TRDN: variants seen among roughly 807,000 people sequenced by gnomAD.
TRDN encodes the protein triadin.
A neutral mutation model predicts 149.7 loss-of-function variants in TRDN; 161 were observed. The observed-to-expected ratio is 1.08, with a 90% CI of 0.95 to 1.23. The LOEUF (loss-of-function observed/expected upper bound fraction) is 1.23, where lower values mean the gene tolerates loss of function less well. Ranked by LOEUF, TRDN falls within the 50% of genes most tolerant of loss-of-function variation. The probability of loss-of-function intolerance (pLI) is 0.00; values close to 1 mark genes in which losing one functional copy is unlikely to be tolerated. For missense variants in TRDN, 896 were observed against 823.5 expected (o/e 1.09, Z -1.08); for synonymous variants, 294 against 250.5 (o/e 1.17, Z -1.64).
intron 24 of TRDN, among the ~76,000 whole-genome samples, chr6:123,308,390 T>C (rs559783045): frequency 6.6e-6 from 1 of 151,898 alleles, no homozygotes; most frequent in East Asian, 1.9e-4. Flanking sequence ...AGTAATTGGA[T>C]TGCTGGATTG....
At chr6:123,549,753 A>C (rs1448282723) in intron 2 of TRDN, among the ~76,000 whole-genome samples, 1 of 152,042 alleles carries the variant, frequency 6.6e-6, no homozygotes, top group Non-Finnish European at 1.5e-5. Context: ...AAAGATGATC[A>C]TGATTTCTAT....
intron 24 of TRDN, among the ~76,000 whole-genome samples, chr6:123,301,685 ATTGTACGTTTTC>A (rs2114670132): frequency 6.8e-6 from 1 of 147,596 alleles, no homozygotes; most frequent in South Asian, 2.1e-4. Flanking sequence ...TTCTCAATTT[ATTGTACGTTTTC>A]TTGTAATAAA....
intron 2 of TRDN, among the ~76,000 whole-genome samples, chr6:123,567,148 A>G (rs1782334718): frequency 6.6e-6 from 1 of 152,234 alleles, no homozygotes; most frequent in Non-Finnish European, 1.5e-5. Context: ...GAGTAAGGTA[A>G]CCAAGTGTCT....
chr6:123,509,142 A>C (rs1779055574), intron 7 of TRDN, among the ~76,000 whole-genome samples: 1 of 151,950 alleles, frequency 6.6e-6, no homozygotes, highest in African/African-American at 2.4e-5. Flanking sequence ...TTATGCATAC[A>C]TATATATACA....
intron 12 of TRDN, among the ~76,000 whole-genome samples, chr6:123,405,082 A>G (rs764458148): frequency 1.3e-4 from 20 of 152,246 alleles, no homozygotes; most frequent in Non-Finnish European, 2.6e-4. Context: ...CAGCAAATGT[A>G]TCACTTTCTC....
At position 123,237,775 on chromosome 6, in the gene TRDN, C is replaced by T. The variant is rs531048889; in HGVS notation, c.1976-13644G>A. Among the ~76,000 whole-genome samples, 37 of 152,046 alleles carry T rather than the reference C, an allele frequency of 2.4e-4. No individual in the cohort carries two copies. In the South Asian group the frequency reaches 5.8e-3, roughly 24 times the overall value. ...GATTCCTCAAGTAGGTACAAGAAAA[C>T]GATAAATTCCTGTGCCCTGAAAGTA... On this transcript the variant is annotated intron_variant, in intron 38 of 40. Coordinates refer to ENST00000334268, the MANE Select transcript of TRDN (RefSeq NM_006073.4).
At chr6:123,512,876 T>C (rs916402195) in intron 6 of TRDN, among the ~76,000 whole-genome samples, 9 of 152,148 alleles carry the variant, frequency 5.9e-5, no homozygotes, top group Admixed American at 3.9e-4. Flanking sequence ...CACTGATTTG[T>C]TAGAGGAAAA....
chr6:123,495,868 G>A (rs1279284891), intron 9 of TRDN, among the ~76,000 whole-genome samples: 1 of 151,726 alleles, frequency 6.6e-6, no homozygotes, highest in African/African-American at 2.4e-5. Flanking sequence ...CTAAAAATGA[G>A]GTAGAGTTCA....
chr6:123,410,608 G>C (rs1259629209), intron 12 of TRDN, among the ~76,000 whole-genome samples: 1 of 152,042 alleles, frequency 6.6e-6, no homozygotes, highest in Admixed American at 6.6e-5. Context: ...AATAAACATA[G>C]GGTCAGTGAA....
intron 1 of TRDN, among the ~76,000 whole-genome samples, chr6:123,624,434 A>C (rs1372175948): frequency 6.6e-6 from 1 of 152,102 alleles, no homozygotes; most frequent in Non-Finnish European, 1.5e-5. Flanking sequence ...CAGAACTATT[A>C]TTTCTAATAT....
chr6:123,371,836 G>C (rs972519508), intron 19 of TRDN, among the ~76,000 whole-genome samples: 13 of 152,068 alleles, frequency 8.5e-5, no homozygotes, highest in African/African-American at 2.7e-4. Context: ...ACCTTTCCTG[G>C]TACTTAAACC....
chr6:123,351,351 A>G, intron 21 of TRDN: 2 of 978,158 alleles, frequency 2.0e-6, no homozygotes, highest in Non-Finnish European at 2.4e-6. Context: ...ATTTTTTAAA[A>G]AAATAAATTT....
At chr6:123,306,858 C>T (rs912368338) in intron 24 of TRDN, among the ~76,000 whole-genome samples, 12 of 151,208 alleles carry the variant, frequency 7.9e-5, no homozygotes, top group Admixed American at 7.9e-4. Flanking sequence ...ACTTCAAATG[C>T]ATGTCATGTT....
At chr6:123,364,629 A>G (rs1376267834) in intron 20 of TRDN, among the ~76,000 whole-genome samples, 2 of 152,200 alleles carry the variant, frequency 1.3e-5, no homozygotes, top group African/African-American at 4.8e-5. Flanking sequence ...GCCTGGTGAC[A>G]GAGAAAGACT....
At chr6:123,315,454 G>A (rs1245995048) in intron 24 of TRDN, among the ~76,000 whole-genome samples, 4 of 151,754 alleles carry the variant, frequency 2.6e-5, no homozygotes, top group Non-Finnish European at 5.9e-5. Flanking sequence ...ATTTTGATCT[G>A]ATGGCAATGC....
intron 25 of TRDN, 88 bp downstream of exon 25, chr6:123,278,966 CAA>C (rs1403365233): frequency 1.7e-6 from 2 of 1,199,164 alleles, no homozygotes; most frequent in African/African-American, 3.2e-5. Flanking sequence ...AACATGAAAT[CAA>C]GATAAATAAC....
At chr6:123,387,385 C>A (rs114234013) in intron 14 of TRDN, among the ~76,000 whole-genome samples, 3 of 151,892 alleles carry the variant, frequency 2.0e-5, no homozygotes, top group Non-Finnish European at 1.5e-5. Flanking sequence ...TTTTTATGAT[C>A]GATACACTTC....
chr6:123,413,733 T>C (rs1773536311), intron 12 of TRDN, among the ~76,000 whole-genome samples: 1 of 152,128 alleles, frequency 6.6e-6, no homozygotes, highest in Non-Finnish European at 1.5e-5. Context: ...GTAACAAATT[T>C]CATTGGCTTT....
chr6:123,506,544 A>T (rs868487448), intron 7 of TRDN, among the ~76,000 whole-genome samples: 15 of 151,540 alleles, frequency 9.9e-5, no homozygotes, highest in Admixed American at 2.6e-4. Flanking sequence ...GCTGGAGTGC[A>T]ATGGTGCAAT....
Sources: gnomAD v4.1 joint callset for allele counts (sites outside exome capture counted in the v4.1 genomes callset) on GRCh38, gnomAD v4.1.1 for gene constraint, MANE v1.5 for transcripts, NCBI Gene and HGNC (gene_info 2026-07-23, HGNC 2026-07-21) for gene names.